DAOA: variants seen among roughly 807,000 people sequenced by gnomAD.
The protein encoded by DAOA is D-amino acid oxidase regulator.
Under a neutral mutation model 16.4 loss-of-function variants are expected in DAOA, and 15 were observed. That is an observed-to-expected ratio of 0.91 (90% CI 0.61 to 1.41). The LOEUF (loss-of-function observed/expected upper bound fraction) is 1.41. Among genes scored for constraint, DAOA ranks in the 40% most tolerant of loss-of-function variants. The pLI is 0.00. For missense variants in DAOA, 230 were observed against 176.8 expected, an observed-to-expected ratio of 1.30 and a Z score of -1.71; for synonymous variants, 75 against 59.1, an observed-to-expected ratio of 1.27 and a Z score of -1.23.
intron 4 of DAOA, among the ~76,000 whole-genome samples, chr13:105,487,620 A>C (rs1232151715): frequency 6.6e-6 from 1 of 152,064 alleles, no homozygotes; most frequent in Non-Finnish European, 1.5e-5. Flanking sequence ...GCAAGAAAAT[A>C]ATCTAATGCT....
chr13:105,488,521 G>T (rs1339035574), intron 4 of DAOA, among the ~76,000 whole-genome samples: 1 of 152,042 alleles, frequency 6.6e-6, no homozygotes, highest in Non-Finnish European at 1.5e-5. Flanking sequence ...ATTTCAAAGA[G>T]CTTAAAAACG....
intron 4 of DAOA, among the ~76,000 whole-genome samples, chr13:105,477,590 G>A (rs960583846): frequency 3.3e-5 from 5 of 152,120 alleles, no homozygotes; most frequent in African/African-American, 1.2e-4. Context: ...CAGATATGTT[G>A]GTGCATGCCT....
intron 3 of DAOA, among the ~76,000 whole-genome samples, chr13:105,468,284 C>T (rs896743134): frequency 4.6e-5 from 7 of 152,216 alleles, no homozygotes; most frequent in African/African-American, 1.7e-4. Context: ...GGATTAAGAA[C>T]TGGACATTTT....
chr13:105,483,110 T>C (rs1167578414), intron 4 of DAOA, among the ~76,000 whole-genome samples: 1 of 152,162 alleles, frequency 6.6e-6, no homozygotes, highest in Non-Finnish European at 1.5e-5. Context: ...TAGTTTGCAT[T>C]TACTGGAGTA....
rs113077802 is a variant in DAOA, at chr13:105,470,688, C to A, written c.134-1850C>A. ...GCAGTGGTGCCATCTGGGCTCACTG[C>A]AACCTCTGCGTCCTGGGTTCAAGCA... On this transcript the variant is annotated intron_variant, in intron 3 of 5. Coordinates refer to ENST00000375936, the MANE Select transcript of DAOA (RefSeq NM_172370.5). Among the ~76,000 whole-genome samples, 622 of 152,264 alleles carry A rather than the reference C, an allele frequency of 4.1e-3. 7 individuals are homozygous for A. The highest frequency in any genetic ancestry group is 0.013 in the African/African-American group (555 of 41,544).
chr13:105,480,958 G>T (rs893243146), intron 4 of DAOA, among the ~76,000 whole-genome samples: 1 of 152,064 alleles, frequency 6.6e-6, no homozygotes, highest in Non-Finnish European at 1.5e-5. Flanking sequence ...AAACATCCTC[G>T]CAGAAACACC....
intron 3 of DAOA, among the ~76,000 whole-genome samples, chr13:105,471,844 A>G (rs1876976763): frequency 1.3e-5 from 2 of 152,256 alleles, no homozygotes; most frequent in Admixed American, 1.3e-4. Context: ...TAGCTCAAAG[A>G]TGATGAAAGG....
intron 4 of DAOA, 137 bp from the exon 5 acceptor site, chr13:105,489,764 A>G (rs777715333): frequency 4.4e-6 from 7 of 1,573,446 alleles, no homozygotes; most frequent in South Asian, 1.2e-5. Context: ...ACACATTTGT[A>G]TAACCCCTTA....
At position 105,468,439 on chromosome 13, in the gene DAOA, C is replaced by T. The variant is rs754401407; in HGVS notation, c.133+1298C>T. On this transcript the variant is annotated intron_variant, in intron 3 of 5. Transcript: ENST00000375936. The stretch of plus-strand genomic sequence containing the variant: ...AGTCTTTGAGTGCCAAGTTTAGATG[C>T]TCATCTTACTTTTAATTTCTGACCA... Among the ~76,000 whole-genome samples, 83 of 152,184 alleles carry T rather than the reference C, an allele frequency of 5.5e-4. 1 individual carries two copies. Among genetic ancestry groups the T allele is most frequent in the East Asian group, 3.8e-4 (2 of 5,196 alleles).
chr13:105,474,345 A>G (rs987945066), intron 4 of DAOA, among the ~76,000 whole-genome samples: 2 of 152,082 alleles, frequency 1.3e-5, no homozygotes, highest in South Asian at 4.1e-4. Flanking sequence ...TTATTACTAG[A>G]AAGTGTGAGT....
At chr13:105,465,902 A>C (rs1033744352), upstream of DAOA, 1 of 164,580 alleles carries the variant, frequency 6.1e-6, no homozygotes, top group Non-Finnish European at 1.3e-5. Flanking sequence ...AAACTTCTTT[A>C]AATAAAAATG....
chr13:105,484,908 G>T (rs765966615), intron 4 of DAOA, among the ~76,000 whole-genome samples: 1 of 151,978 alleles, frequency 6.6e-6, no homozygotes, highest in Non-Finnish European at 1.5e-5. Flanking sequence ...GGCAATTGTT[G>T]GGATCAATGT....
chr13:105,489,818 A>G (rs1878383529), intron 4 of DAOA, 83 bp from the exon 5 acceptor site: 3 of 1,612,988 alleles, frequency 1.9e-6, no homozygotes, highest in African/African-American at 2.7e-5. Flanking sequence ...CCAATGGAAC[A>G]TGGGAAAGGT....
At chr13:105,471,513 T>A (rs930549981) in intron 3 of DAOA, among the ~76,000 whole-genome samples, 1 of 152,144 alleles carries the variant, frequency 6.6e-6, no homozygotes, top group Admixed American at 6.5e-5. Flanking sequence ...CAAATAAGTG[T>A]TTGCTACTTA....
At chr13:105,472,733 G>T (rs1877058337) in intron 4 of DAOA, 48 bp downstream of exon 4, 1 of 1,550,360 alleles carries the variant, frequency 6.5e-7, no homozygotes, top group Non-Finnish European at 8.7e-7. Flanking sequence ...AAAGCTAAAT[G>T]CTAATGTTGG....
chr13:105,487,685 A>G (rs1878231465), intron 4 of DAOA, among the ~76,000 whole-genome samples: 1 of 152,166 alleles, frequency 6.6e-6, no homozygotes, highest in Admixed American at 6.6e-5. Flanking sequence ...AAATTAATTA[A>G]CCAATTTTGA....
rs72549464 is a variant in DAOA at position 105,466,242 on chromosome 13, C to G, written c.-47C>G. Reference sequence around the variant, plus strand: ...ATTTGGAAAGGGCATGGCAGGAGGTCTCATCTCTGCTTCACAATGCCGATG... The same window carrying G: ...ATTTGGAAAGGGCATGGCAGGAGGTGTCATCTCTGCTTCACAATGCCGATG... On this transcript the variant is annotated 5_prime_UTR_variant, in exon 2 of 6. Coordinates refer to ENST00000375936, the MANE Select transcript of DAOA (RefSeq NM_172370.5). 5.9e-5 allele frequency: 95 copies of G among 1,612,846 alleles called. No homozygotes were observed. The highest frequency in any genetic ancestry group is 7.5e-5 in the Non-Finnish European group (89 of 1,179,396).
At chr13:105,484,879 C>T (rs1056759899) in intron 4 of DAOA, among the ~76,000 whole-genome samples, 1 of 151,998 alleles carries the variant, frequency 6.6e-6, no homozygotes, top group African/African-American at 2.4e-5. Flanking sequence ...TGTCTTTTAC[C>T]TGAACTTAGG....
intron 3 of DAOA, among the ~76,000 whole-genome samples, chr13:105,467,979 T>G (rs1378093979): frequency 1.3e-5 from 2 of 152,212 alleles, no homozygotes; most frequent in African/African-American, 4.8e-5. Flanking sequence ...GCATGCCTTC[T>G]GGAGGCTCCA....
Sources: gnomAD v4.1 joint callset for allele counts (sites outside exome capture counted in the v4.1 genomes callset) on GRCh38, gnomAD v4.1.1 for gene constraint, MANE v1.5 for transcripts, NCBI Gene and HGNC (gene_info 2026-07-23, HGNC 2026-07-21) for gene names.